CALN1: variants seen among roughly 807,000 people sequenced by gnomAD.
CALN1 encodes calcium-binding protein 8.
Under a neutral mutation model 30.6 loss-of-function variants are expected in CALN1, and 17 were observed. That is an observed-to-expected ratio of 0.56 (90% confidence interval 0.38 to 0.83). The LOEUF is 0.83. Among genes scored for constraint, CALN1 ranks in the 40% least tolerant of loss-of-function variants. The pLI is 0.00. For missense variants in CALN1, 291 were observed against 354.9 expected, an observed-to-expected ratio of 0.82 and a Z score of 1.45; for synonymous variants, 156 against 131.4, an observed-to-expected ratio of 1.19 and a Z score of -1.28.
intron 2 of CALN1, among the ~76,000 whole-genome samples, chr7:72,315,049 G>T (rs765013168): frequency 1.3e-5 from 2 of 151,790 alleles, no homozygotes; most frequent in Non-Finnish European, 2.9e-5. Flanking sequence ...TACTTGGCAG[G>T]CTGAGGCAGG....
intron 2 of CALN1, among the ~76,000 whole-genome samples, chr7:72,354,695 A>G (rs1803121911): frequency 6.6e-6 from 1 of 152,196 alleles, no homozygotes. Context: ...AATTAATTTA[A>G]TGAGGATAGT....
At chr7:71,905,918 G>A (rs1794110705) in intron 5 of CALN1, among the ~76,000 whole-genome samples, 1 of 152,094 alleles carries the variant, frequency 6.6e-6, no homozygotes, top group East Asian at 1.9e-4. Context: ...ATGGAAGAAG[G>A]TGAAGAAGCA....
intron 3 of CALN1, among the ~76,000 whole-genome samples, chr7:72,243,405 G>C (rs1007333850): frequency 6.6e-6 from 1 of 152,178 alleles, no homozygotes; most frequent in Non-Finnish European, 1.5e-5. Flanking sequence ...ACCATGATAA[G>C]AAGTAATTTT....
At chr7:71,994,851 ATTTTTT>A (rs564198396) in intron 5 of CALN1, among the ~76,000 whole-genome samples, 2 of 123,168 alleles carry the variant, frequency 1.6e-5, no homozygotes, top group Non-Finnish European at 3.4e-5. Context: ...GCCCCTTCCT[ATTTTTT>A]TTTTTTTTTT....
intron 3 of CALN1, among the ~76,000 whole-genome samples, chr7:72,143,932 T>C (rs1456614805): frequency 1.3e-5 from 2 of 152,074 alleles, no homozygotes; most frequent in East Asian, 1.9e-4. Context: ...TGCTGAGAGA[T>C]TTTATCACCA....
intron 2 of CALN1, among the ~76,000 whole-genome samples, chr7:72,375,509 T>C (rs1316118873): frequency 2.0e-5 from 3 of 147,062 alleles, no homozygotes; most frequent in African/African-American, 7.6e-5. Context: ...GAGGCTGCAG[T>C]GAGCTGTGAC....
intron 3 of CALN1, among the ~76,000 whole-genome samples, chr7:72,184,441 T>C (rs764900623): frequency 7.9e-5 from 12 of 152,234 alleles, no homozygotes; most frequent in Non-Finnish European, 1.8e-4. Flanking sequence ...TATGAGTTCA[T>C]ATTTTTATGT....
chr7:71,894,675 G>A (rs548444524), intron 5 of CALN1, among the ~76,000 whole-genome samples: 4 of 152,260 alleles, frequency 2.6e-5, no homozygotes, highest in African/African-American at 9.6e-5. Flanking sequence ...TTTTGATTCA[G>A]AGCACAATGA....
At chr7:71,885,580 T>A (rs953173524) in intron 5 of CALN1, among the ~76,000 whole-genome samples, 2 of 152,254 alleles carry the variant, frequency 1.3e-5, no homozygotes, top group African/African-American at 4.8e-5. Flanking sequence ...TTCACTCATA[T>A]TTGACTCAGA....
chr7:72,348,420 C>T (rs1000050175), intron 2 of CALN1, among the ~76,000 whole-genome samples: 1 of 152,138 alleles, frequency 6.6e-6, no homozygotes, highest in Admixed American at 6.5e-5. Context: ...TTCATGAAGG[C>T]TTAGGTAGCT....
At chr7:72,285,834 A>G (rs1273394819) in intron 2 of CALN1, among the ~76,000 whole-genome samples, 1 of 152,218 alleles carries the variant, frequency 6.6e-6, no homozygotes, top group African/African-American at 2.4e-5. Context: ...ATAGAGTGCT[A>G]GAGAAGTACA....
intron 2 of CALN1, among the ~76,000 whole-genome samples, chr7:72,348,816 C>A (rs1802777185): frequency 1.3e-5 from 2 of 152,280 alleles, no homozygotes; most frequent in South Asian, 4.2e-4. Flanking sequence ...AGTTACTAAT[C>A]CAATGCCTAG....
At chr7:71,993,191 G>A (rs1799049315) in intron 5 of CALN1, among the ~76,000 whole-genome samples, 1 of 152,130 alleles carries the variant, frequency 6.6e-6, no homozygotes, top group South Asian at 2.1e-4. Flanking sequence ...GAGGTGCAGA[G>A]GCCCAGGAAG....
intron 2 of CALN1, among the ~76,000 whole-genome samples, chr7:72,304,726 A>G (rs1298269497): frequency 6.6e-6 from 1 of 152,320 alleles, no homozygotes; most frequent in Non-Finnish European, 1.5e-5. Context: ...CTATATAAAT[A>G]TAATTACCTG....
At chr7:72,499,591 A>C in the CALN1 span, among the ~76,000 whole-genome samples, 2 of 152,108 alleles carry the variant, frequency 1.3e-5, no homozygotes, top group Non-Finnish European at 2.9e-5. Context: ...ACTGACTCAC[A>C]TGCAGACTCA....
intron 3 of CALN1, among the ~76,000 whole-genome samples, chr7:72,188,957 G>A (rs1385334683): frequency 1.3e-5 from 2 of 152,006 alleles, no homozygotes; most frequent in Non-Finnish European, 2.9e-5. Context: ...GGTCTAAGAG[G>A]GACTAAGCCT....
At chr7:72,213,678 T>C (rs148885106) in intron 3 of CALN1, among the ~76,000 whole-genome samples, 1 of 152,116 alleles carries the variant, frequency 6.6e-6, no homozygotes, top group African/African-American at 2.4e-5. Context: ...TAGGGTTGAG[T>C]TGGGGACAGA....
intron 2 of CALN1, among the ~76,000 whole-genome samples, chr7:72,288,338 T>A (rs1206595663): frequency 6.6e-6 from 1 of 152,178 alleles, no homozygotes; most frequent in African/African-American, 2.4e-5. Flanking sequence ...AGTGTCCTTA[T>A]GACATGGGAG....
intron 5 of CALN1, among the ~76,000 whole-genome samples, chr7:71,889,462 C>T (rs1304779790): frequency 1.3e-5 from 2 of 152,126 alleles, no homozygotes; most frequent in Non-Finnish European, 2.9e-5. Flanking sequence ...AGCTTCCCCC[C>T]ATTTGCAAAT....
Sources: gnomAD v4.1 joint callset for allele counts (sites outside exome capture counted in the v4.1 genomes callset) on GRCh38, gnomAD v4.1.1 for gene constraint, MANE v1.5 for transcripts, NCBI Gene and HGNC (gene_info 2026-07-23, HGNC 2026-07-21) for gene names.